FAM163B: variants seen among roughly 807,000 people sequenced by gnomAD.
FAM163B encodes the protein protein FAM163B.
A neutral mutation model predicts 7.6 loss-of-function variants in FAM163B; 4 were observed. That is an observed-to-expected ratio of 0.52 (90% CI 0.26 to 1.20). FAM163B has a LOEUF of 1.20. FAM163B is among the 50% of genes most tolerant of loss of function. The pLI is 0.14. For missense variants in FAM163B, 250 were observed against 243.0 expected, an observed-to-expected ratio of 1.03 and a Z score of -0.19; for synonymous variants, 120 against 111.6, an observed-to-expected ratio of 1.07 and a Z score of -0.47.
intron 1 of FAM163B, among the ~76,000 whole-genome samples, chr9:133,607,028 G>A (rs1260216918): frequency 6.6e-6 from 1 of 152,272 alleles, no homozygotes; most frequent in Non-Finnish European, 1.5e-5. Flanking sequence ...TAGGGAGTAG[G>A]GTTGGCACGG....
rs375569248 is a variant in FAM163B at position 133,584,741 on chromosome 9, GAGA to G, written c.-23-4498_-23-4496del. Among the ~76,000 whole-genome samples the G allele has an allele frequency of 5.5e-4, 84 of 152,304 alleles. 1 individual carries two copies. The highest frequency in any genetic ancestry group is 1.9e-3 in the African/African-American group (77 of 41,564). ...AGCCGGGCTGTGAAGGATGGGCTGG[GAGA>G]AGAAGGAGAGGGCCTGTTGGTGCTG... is the stretch of plus-strand genomic sequence containing the variant. On this transcript the variant is annotated intron_variant, in intron 1 of 2. Transcript: ENST00000673969.
chr9:133,580,383 G>T, intron 1 of FAM163B, 137 bp from the exon 2 acceptor site: 1 of 691,498 alleles, frequency 1.4e-6, no homozygotes, highest in Non-Finnish European at 2.5e-6. Context: ...CAGGGGCTCT[G>T]CCGGGGACGG....
At chr9:133,590,700 G>A (rs982759758) in intron 1 of FAM163B, among the ~76,000 whole-genome samples, 1 of 152,186 alleles carries the variant, frequency 6.6e-6, no homozygotes, top group Admixed American at 6.5e-5. Context: ...TCCCAGGAGA[G>A]CCCCGAGAGC....
Position 133,601,305 on chromosome 9 carries a change from G to A in FAM163B, c.-24+7772C>T, listed in dbSNP as rs1831726273. 6.6e-6 allele frequency among the ~76,000 whole-genome samples: 1 copy of A among 152,184 alleles called. No individual in the cohort carries two copies. Among genetic ancestry groups the A allele is most frequent in the Admixed American group, 6.5e-5 (1 of 15,276 alleles). On this transcript the variant is annotated intron_variant, in intron 1 of 2. Transcript: ENST00000673969. This position sits in a 1 kb window ranked among gnomAD's most constrained non-coding sequence, Gnocchi z 4.1. ...CTGCCCTGAGCAGTCTTTGACCAAGGCTTCAGCAAAGACCCTGCCTGGAGC... is the reference window on the plus strand; with the variant it reads ...CTGCCCTGAGCAGTCTTTGACCAAGACTTCAGCAAAGACCCTGCCTGGAGC...
chr9:133,585,335 C>T (rs1831418924), intron 1 of FAM163B, among the ~76,000 whole-genome samples: 1 of 152,220 alleles, frequency 6.6e-6, no homozygotes, highest in African/African-American at 2.4e-5. Flanking sequence ...CCCCTGCTAA[C>T]CACCATCTGG....
chr9:133,586,464 C>T (rs1831439625), intron 1 of FAM163B, among the ~76,000 whole-genome samples: 1 of 152,162 alleles, frequency 6.6e-6, no homozygotes, highest in Non-Finnish European at 1.5e-5. Context: ...GCCTGGATTC[C>T]TTGAGGGGCC....
At chr9:133,607,038 G>C (rs777565454) in intron 1 of FAM163B, among the ~76,000 whole-genome samples, 2 of 152,206 alleles carry the variant, frequency 1.3e-5, no homozygotes, top group African/African-American at 2.4e-5. Context: ...GGTTGGCACG[G>C]ACTGGGGGCT....
In FAM163B at chr9:133,579,108, C is replaced by G. The variant is rs758327003; in HGVS notation, c.415G>C (p.Gly139Arg). 4 of 1,604,826 alleles carry G rather than the reference C, an allele frequency of 2.5e-6. No individual in the cohort carries two copies. The highest frequency in any genetic ancestry group is 3.4e-6 in the Non-Finnish European group (4 of 1,178,324). Residue 139 changes from glycine (G) to arginine (R), a missense_variant, in exon 3 of 3, where the codon GGG becomes CGG. Gly to Arg is a moderately radical substitution (Grantham distance 125). Coordinates refer to ENST00000673969, the MANE Select transcript of FAM163B (RefSeq NM_001080515.3). ...TTGGGGTTGAGCGCCTGCAGGCCCCCGAAGCCCCCCGGGGGCAGCTCCACG... is the reference window on the plus strand; with the variant it reads ...TTGGGGTTGAGCGCCTGCAGGCCCCGGAAGCCCCCCGGGGGCAGCTCCACG... Reference protein sequence around the residue: ...EDVELPPGGFGGLQALNPNRL... With the variant: ...EDVELPPGGFRGLQALNPNRL...
intron 1 of FAM163B, among the ~76,000 whole-genome samples, chr9:133,588,285 T>A (rs76543852): frequency 6.6e-6 from 1 of 151,756 alleles, no homozygotes; most frequent in Non-Finnish European, 1.5e-5. Flanking sequence ...GCCATGGGGG[T>A]CTCAGATAGA....
intron 1 of FAM163B, among the ~76,000 whole-genome samples, chr9:133,584,689 G>A (rs1588323477): frequency 6.6e-6 from 1 of 152,226 alleles, no homozygotes; most frequent in East Asian, 1.9e-4. Context: ...GGAACCGAGG[G>A]AAACTTCCTG....
At position 133,579,214 on chromosome 9, in the gene FAM163B, G is replaced by A. The variant is rs773626505; in HGVS notation, c.309C>T (p.Phe103=). Residue 103 remains phenylalanine, a synonymous_variant, in exon 3 of 3, where the codon TTC becomes TTT. Coordinates refer to ENST00000673969, the MANE Select transcript of FAM163B (RefSeq NM_001080515.3). Reference sequence around the variant, plus strand: ...CTTCCTCCTCCGGCGGCTCCTGCAGGAAGAAGGTGGGGGGCTCGCAGTGGG... The same window carrying A: ...CTTCCTCCTCCGGCGGCTCCTGCAGAAAGAAGGTGGGGGGCTCGCAGTGGG... ...SCSHCEPPTF[F]LQEPPEEEED... The A allele has an allele frequency of 6.2e-7, 1 of 1,612,040 alleles. No homozygotes were observed. Among genetic ancestry groups the A allele is most frequent in the African/African-American group, 1.3e-5 (1 of 74,928 alleles).
At chr9:133,593,928 C>G (rs920727334) in intron 1 of FAM163B, among the ~76,000 whole-genome samples, 1 of 152,188 alleles carries the variant, frequency 6.6e-6, no homozygotes, top group African/African-American at 2.4e-5. Flanking sequence ...CCGTCTCAGC[C>G]ACATCCACTC....
chr9:133,596,273 C>T (rs1054729868), intron 1 of FAM163B, among the ~76,000 whole-genome samples: 3 of 152,134 alleles, frequency 2.0e-5, no homozygotes, highest in Non-Finnish European at 4.4e-5. Context: ...TTGCCATGCT[C>T]CTGTCTGGGA....
intron 1 of FAM163B, among the ~76,000 whole-genome samples, chr9:133,599,053 C>A (rs1054920803): frequency 1.3e-5 from 2 of 152,184 alleles, no homozygotes; most frequent in Non-Finnish European, 2.9e-5. Context: ...GCCCTTGCAC[C>A]CCTGCCCTGG....
At chr9:133,597,109 G>C (rs1018583210) in intron 1 of FAM163B, among the ~76,000 whole-genome samples, 2 of 152,194 alleles carry the variant, frequency 1.3e-5, no homozygotes, top group Non-Finnish European at 2.9e-5. Flanking sequence ...ACCTGGCATG[G>C]AAAGAAGCAG....
In FAM163B at chr9:133,600,625, G is replaced by T. The variant is rs2131260232; in HGVS notation, c.-24+8452C>A. Among the ~76,000 whole-genome samples, 1 of 152,238 alleles carries T rather than the reference G, an allele frequency of 6.6e-6. No individual in the cohort carries two copies. The highest frequency in any genetic ancestry group is 3.4e-3 in the Middle Eastern group (1 of 294). ...CAGGGGTAAAACCAGAGGGTAAAAG[G>T]ATGGGTGGAAGCCCAAGACTCGTGG... On this transcript the variant is annotated intron_variant, in intron 1 of 2. Coordinates refer to ENST00000673969, the MANE Select transcript of FAM163B (RefSeq NM_001080515.3). The surrounding 1 kb of genome is among the most constrained non-coding windows in gnomAD (Gnocchi z 4.9).
intron 1 of FAM163B, 72 bp from the exon 2 acceptor site, chr9:133,580,318 A>G: frequency 8.3e-7 from 1 of 1,202,004 alleles, no homozygotes; most frequent in Non-Finnish European, 1.2e-6. Flanking sequence ...TATTCTAGAG[A>G]ACTGAGAAGA....
intron 1 of FAM163B, among the ~76,000 whole-genome samples, chr9:133,602,027 G>C (rs1411086379): frequency 6.6e-6 from 1 of 152,158 alleles, no homozygotes; most frequent in East Asian, 1.9e-4. Flanking sequence ...CCGGGGCTGG[G>C]TTCTATCCTC....
At chr9:133,604,323 T>C (rs112380413) in intron 1 of FAM163B, among the ~76,000 whole-genome samples, 2,060 of 151,902 alleles carry the variant, frequency 0.014, 37 homozygotes, top group African/African-American at 0.047. Flanking sequence ...GGTGTCGACA[T>C]GCAGACACAA....
Sources: gnomAD v4.1 joint callset for allele counts (sites outside exome capture counted in the v4.1 genomes callset) on GRCh38, gnomAD v4.1.1 for gene constraint, Gnocchi (gnomAD v3.1) non-coding constraint, MANE v1.5 for transcripts, NCBI Gene and HGNC (gene_info 2026-07-23, HGNC 2026-07-21) for gene names.